The following ASTN2 variants were observed in gnomAD, a reference collection of about 807,000 sequenced individuals.
ASTN2 encodes the protein astrotactin-2.
A neutral mutation model predicts 139.8 loss-of-function variants in ASTN2; 54 were observed. The observed-to-expected ratio is 0.39, with a 90% CI of 0.31 to 0.48. The LOEUF is 0.48. Among genes scored for constraint, ASTN2 ranks in the 20% least tolerant of loss-of-function variants. The pLI, the probability that ASTN2 is intolerant of heterozygous loss-of-function variation, is 0.95. For synonymous variants in ASTN2, 756 were observed against 719.5 expected (o/e 1.05, Z -0.81); for missense variants, 1,565 against 1,725.1 (o/e 0.91, Z 1.64).
intron 4 of ASTN2, among the ~76,000 whole-genome samples, chr9:117,097,359 G>A (rs2132757032): frequency 6.6e-6 from 1 of 152,316 alleles, no homozygotes; most frequent in East Asian, 1.9e-4. Flanking sequence ...ATATGGGTAT[G>A]TTTTATTGTT....
intron 13 of ASTN2, among the ~76,000 whole-genome samples, chr9:116,781,681 T>C (rs1374270190): frequency 1.3e-5 from 2 of 152,162 alleles, no homozygotes; most frequent in Non-Finnish European, 2.9e-5. Context: ...CATTTTTTTA[T>C]AATTACATTT....
At chr9:117,140,697 A>C (rs111644872) in intron 4 of ASTN2, among the ~76,000 whole-genome samples, 6,716 of 151,522 alleles carry the variant, frequency 0.044, 528 homozygotes, top group African/African-American at 0.15. Context: ...GAAGGAGAAG[A>C]AGCAGCAGCA....
At chr9:116,856,294 T>C (rs1227448964) in intron 11 of ASTN2, among the ~76,000 whole-genome samples, 1 of 152,202 alleles carries the variant, frequency 6.6e-6, no homozygotes, top group Non-Finnish European at 1.5e-5. Context: ...AGTCCATTTC[T>C]GGAAAGGAAA....
At chr9:117,302,741 TA>T (rs2130802215) in intron 1 of ASTN2, among the ~76,000 whole-genome samples, 1 of 152,216 alleles carries the variant, frequency 6.6e-6, no homozygotes, top group East Asian at 1.9e-4. Flanking sequence ...ATGAAACCTG[TA>T]AAACCCAGTG....
At chr9:116,713,527 G>A (rs1409992558) in intron 16 of ASTN2, among the ~76,000 whole-genome samples, 1 of 152,176 alleles carries the variant, frequency 6.6e-6, no homozygotes, top group Non-Finnish European at 1.5e-5. Context: ...CTTACATCCT[G>A]CCGATCAATC....
At chr9:116,467,902 G>C (rs1028950171) in intron 20 of ASTN2, among the ~76,000 whole-genome samples, 2 of 152,084 alleles carry the variant, frequency 1.3e-5, no homozygotes, top group African/African-American at 4.8e-5. Context: ...CCTACGATTG[G>C]CTCTGCAGCT....
rs148479624 is a variant in ASTN2 at position 117,344,959 on chromosome 9, G to A, written c.443-53446C>T. On this transcript the variant is annotated intron_variant, in intron 1 of 22. Coordinates refer to ENST00000313400, the MANE Select transcript of ASTN2 (RefSeq NM_001365068.1). ...GTTGATATCAACACTGACACATGCC[G>A]CCTGTACAAGAGTGGGGAACGTTTT... Among the ~76,000 whole-genome samples, 1,155 of 152,118 alleles carry A rather than the reference G, an allele frequency of 7.6e-3. 16 individuals are homozygous for A. The highest frequency in any genetic ancestry group is 0.026 in the African/African-American group (1,085 of 41,506).
In ASTN2 at chr9:116,587,107, G is replaced by C. The variant is rs1394239590; in HGVS notation, c.3355+31217C>G. Among the ~76,000 whole-genome samples, 4 of 152,246 alleles carry C rather than the reference G, an allele frequency of 2.6e-5. No individual in the cohort carries two copies. The East Asian group carries it at 7.7e-4, about 29-fold the overall frequency. On this transcript the variant is annotated intron_variant, in intron 19 of 22. Transcript: ENST00000313400. ...TGTAATCCCAACACTTTGGGAGGCT[G>C]AGGTGGGCGGATCACCTGAGGTCAG...
chr9:116,951,630 A>T (rs1835567541), intron 10 of ASTN2, among the ~76,000 whole-genome samples: 1 of 152,134 alleles, frequency 6.6e-6, no homozygotes, highest in South Asian at 2.1e-4. Flanking sequence ...TCTAGAGATG[A>T]GTAGGAGAGG....
chr9:117,393,803 C>A (rs1014756888), intron 1 of ASTN2, among the ~76,000 whole-genome samples: 1 of 151,132 alleles, frequency 6.6e-6, no homozygotes, highest in African/African-American at 2.4e-5. Flanking sequence ...CTCTGGGGTG[C>A]AGTGGGGAGA....
intron 19 of ASTN2, among the ~76,000 whole-genome samples, chr9:116,532,010 C>T (rs945182190): frequency 5.9e-5 from 9 of 152,226 alleles, no homozygotes; most frequent in Admixed American, 3.9e-4. Flanking sequence ...TATTTCTCCA[C>T]ATCCTCTCCA....
chr9:116,722,374 TA>T (rs1322014600), intron 16 of ASTN2, among the ~76,000 whole-genome samples: 1 of 152,190 alleles, frequency 6.6e-6, no homozygotes, highest in Non-Finnish European at 1.5e-5. Context: ...GAGAGTAAAG[TA>T]AACTCCTCAT....
At chr9:117,373,876 A>T (rs1487540150) in intron 1 of ASTN2, among the ~76,000 whole-genome samples, 1 of 152,220 alleles carries the variant, frequency 6.6e-6, no homozygotes, top group Non-Finnish European at 1.5e-5. Flanking sequence ...TGGACAGCAC[A>T]TATCCTAACA....
intron 17 of ASTN2, among the ~76,000 whole-genome samples, chr9:116,642,118 A>G (rs1857360256): frequency 8.8e-6 from 1 of 113,088 alleles, no homozygotes. Context: ...GGGAAAATGA[A>G]GGCTCCCAAC....
At chr9:117,244,747 GGAGGGAGGGAGGGAGA>G (rs1231234162) in intron 2 of ASTN2, among the ~76,000 whole-genome samples, 1 of 145,468 alleles carries the variant, frequency 6.9e-6, no homozygotes, top group Non-Finnish European at 1.5e-5. Context: ...AGGGAGGGAA[GGAGGGAGGGAGGGAGA>G]GAGGGAAGGA....
chr9:117,280,713 T>C (rs1340731811), intron 2 of ASTN2, among the ~76,000 whole-genome samples: 1 of 152,138 alleles, frequency 6.6e-6, no homozygotes, highest in Non-Finnish European at 1.5e-5. Flanking sequence ...GTCTTAAGCT[T>C]CTTAAATTAT....
chr9:116,876,053 G>A (rs10817949), intron 10 of ASTN2, among the ~76,000 whole-genome samples: 52,718 of 152,052 alleles, frequency 0.35, 9,852 homozygotes, highest in East Asian at 0.53. Flanking sequence ...TTTTTCTGAT[G>A]GATCTGGGTA....
chr9:116,582,524 C>T (rs1036642007), intron 19 of ASTN2: 1 of 152,220 alleles, frequency 6.6e-6, no homozygotes, highest in Non-Finnish European at 1.5e-5. Flanking sequence ...ACTGAGACTT[C>T]AGATATCAAA....
intron 1 of ASTN2, among the ~76,000 whole-genome samples, chr9:117,298,906 A>G (rs1834807253): frequency 6.6e-6 from 1 of 151,988 alleles, no homozygotes; most frequent in Non-Finnish European, 1.5e-5. Flanking sequence ...TTGAAGTCAG[A>G]TGAGTGTTTC....
Sources: allele counts gnomAD v4.1 joint callset (sites outside exome capture counted in the v4.1 genomes callset), GRCh38; gene constraint gnomAD v4.1.1; transcripts MANE v1.5; gene names NCBI Gene and HGNC (gene_info 2026-07-23, HGNC 2026-07-21).